IQCJ: variants seen among roughly 807,000 people sequenced by gnomAD.
IQCJ encodes the protein IQ motif containing J.
A neutral mutation model predicts 11.0 loss-of-function variants in IQCJ; 9 were observed. The ratio of observed to expected loss-of-function variants is 0.82; its 90% CI spans 0.49 to 1.43. The LOEUF (loss-of-function observed/expected upper bound fraction) is 1.43. IQCJ is among the 40% of genes most tolerant of loss of function. The pLI, the probability that IQCJ is intolerant of heterozygous loss-of-function variation, is 0.00. For synonymous variants in IQCJ, 55 were observed against 51.3 expected (o/e 1.07, Z -0.31); for missense variants, 146 against 133.2 (o/e 1.10, Z -0.47).
intron 3 of IQCJ, among the ~76,000 whole-genome samples, chr3:159,253,660 G>A (rs1032870959): frequency 1.7e-4 from 26 of 150,978 alleles, no homozygotes; most frequent in African/African-American, 6.1e-4. Flanking sequence ...ATAACACTCC[G>A]AGAAGCATGA....
chr3:159,090,283 G>A lies in IQCJ; in HGVS notation c.9+20842G>A, dbSNP rs534078612. On this transcript the variant is annotated intron_variant, in intron 1 of 3. Transcript: ENST00000397832. ...ACCCACTTAAGGAGGCAGTCTGCCC[G>A]TTCTCAGATCTCCAGCTGCGTGCTG... 2.0e-4 allele frequency among the ~76,000 whole-genome samples: 30 copies of A among 151,888 alleles called. 1 individual carries two copies. Among genetic ancestry groups the A allele is most frequent in the African/African-American group, 5.6e-4 (23 of 41,186 alleles).
chr3:159,073,419 A>G (rs952817404), intron 1 of IQCJ, among the ~76,000 whole-genome samples: 6 of 152,072 alleles, frequency 3.9e-5, no homozygotes, highest in African/African-American at 1.4e-4. Context: ...CCTAGGGTGA[A>G]GAATTTAAGG....
chr3:159,260,043 C>A (rs1412651945), intron 3 of IQCJ, among the ~76,000 whole-genome samples: 1 of 152,222 alleles, frequency 6.6e-6, no homozygotes, highest in East Asian at 1.9e-4. Context: ...AATATTGTCA[C>A]CTTATAAATT....
chr3:159,243,735 G>A (rs1373116130), intron 1 of IQCJ, among the ~76,000 whole-genome samples: 1 of 152,150 alleles, frequency 6.6e-6, no homozygotes, highest in Non-Finnish European at 1.5e-5. Context: ...CTTATAAGGT[G>A]CATTTCATAC....
At chr3:159,087,639 A>T (rs1716890229) in intron 1 of IQCJ, among the ~76,000 whole-genome samples, 1 of 143,062 alleles carries the variant, frequency 7.0e-6, no homozygotes, top group South Asian at 2.3e-4. Flanking sequence ...TTCCTGGTTT[A>T]GTCTTGGGAG....
intron 1 of IQCJ, among the ~76,000 whole-genome samples, chr3:159,204,142 C>T (rs1724514368): frequency 6.6e-6 from 1 of 152,200 alleles, no homozygotes. Flanking sequence ...TGCTGCATAA[C>T]AAACTTCCTA....
At chr3:159,080,454 A>T (rs976983624) in intron 1 of IQCJ, among the ~76,000 whole-genome samples, 1 of 152,124 alleles carries the variant, frequency 6.6e-6, no homozygotes, top group African/African-American at 2.4e-5. Context: ...AAACATGAAG[A>T]TTGGAACCTT....
intron 1 of IQCJ, among the ~76,000 whole-genome samples, chr3:159,119,978 A>G (rs1396528309): frequency 6.6e-6 from 1 of 152,238 alleles, no homozygotes; most frequent in African/African-American, 2.4e-5. Flanking sequence ...ATTATTTTTT[A>G]GAATTGTATA....
intron 3 of IQCJ, among the ~76,000 whole-genome samples, chr3:159,258,839 C>T (rs1290810724): frequency 6.6e-6 from 1 of 152,102 alleles, no homozygotes; most frequent in East Asian, 1.9e-4. Flanking sequence ...GCACAGTCTG[C>T]CCCCAGCCTG....
Position 159,091,674 on chromosome 3 carries a change from G to A in IQCJ, c.9+22233G>A, listed in dbSNP as rs761243810. 8.6e-4 allele frequency among the ~76,000 whole-genome samples: 70 copies of A among 81,304 alleles called. 1 individual carries two copies. The highest frequency in any genetic ancestry group is 4.6e-3 in the African/African-American group (55 of 12,080). The allele number at this position is 81,304 out of a possible 152,430, so 53.3% of individuals were successfully genotyped here. On this transcript the variant is annotated intron_variant, in intron 1 of 3. Transcript: ENST00000397832. ...CACACACACACACACACACACGCAT[G>A]CACACACACACACACACACACACAC... is the stretch of plus-strand genomic sequence containing the variant.
intron 1 of IQCJ, among the ~76,000 whole-genome samples, chr3:159,081,331 T>C (rs1230070335): frequency 6.6e-6 from 1 of 152,088 alleles, no homozygotes; most frequent in East Asian, 1.9e-4. Context: ...CATAGGCCCC[T>C]TCCTAAACCA....
rs1728332664 is a variant in IQCJ, at chr3:159,263,474, A to C, written c.*743A>C. 4.1e-6 allele frequency: 4 copies of C among 984,276 alleles called. No homozygotes were observed. In the South Asian group the frequency reaches 1.9e-4, roughly 46 times the overall value. The allele number at this position is 984,276 out of a possible 1,614,324, so 61.0% of individuals were successfully genotyped here. A position where few individuals can be genotyped will look rare whatever the true frequency, so the allele number is the denominator to read the frequency against. On this transcript the variant is annotated 3_prime_UTR_variant, in exon 4 of 4. Coordinates refer to ENST00000397832, the MANE Select transcript of IQCJ (RefSeq NM_001042706.3). Reference sequence around the variant, plus strand: ...TTAAAAAACACCAAAAGTGGGAAGAAATCAGTGATGAGGGATTTATGAACC... The same window carrying C: ...TTAAAAAACACCAAAAGTGGGAAGACATCAGTGATGAGGGATTTATGAACC...
chr3:159,230,130 AGAACAT>A (rs1018068280), intron 1 of IQCJ, among the ~76,000 whole-genome samples: 13 of 151,890 alleles, frequency 8.6e-5, no homozygotes, highest in African/African-American at 3.1e-4. Flanking sequence ...CTTACAAGTG[AGAACAT>A]GTAGTGTTTG....
chr3:159,146,741 T>C (rs188634796), intron 1 of IQCJ, among the ~76,000 whole-genome samples: 8 of 152,340 alleles, frequency 5.3e-5, no homozygotes, highest in Admixed American at 4.6e-4. Context: ...TTTTCAAATA[T>C]GTAAATAAAA....
At chr3:159,255,195 A>G (rs997166704) in intron 3 of IQCJ, among the ~76,000 whole-genome samples, 2 of 152,144 alleles carry the variant, frequency 1.3e-5, no homozygotes, top group African/African-American at 2.4e-5. Flanking sequence ...CTGAGAGTCT[A>G]TCTTCTCCTG....
intron 1 of IQCJ, among the ~76,000 whole-genome samples, chr3:159,155,084 G>T (rs116367658): frequency 0.021 from 3,151 of 152,174 alleles, 118 homozygotes; most frequent in African/African-American, 0.073. Flanking sequence ...CTGAACACGG[G>T]CTCCCCTTTC....
rs530852237 is a variant in IQCJ at position 159,240,031 on chromosome 3, A to G, written c.10-5812A>G. On this transcript the variant is annotated intron_variant, in intron 1 of 3. Transcript: ENST00000397832. The stretch of plus-strand genomic sequence containing the variant: ...CAACACGAGACAATATATGACCTAG[A>G]TCTGTTACTTATGTCATTGGAGGTG... 2.0e-5 allele frequency among the ~76,000 whole-genome samples: 3 copies of G among 152,254 alleles called. No homozygotes were observed. The East Asian group carries it at 5.8e-4, about 29-fold the overall frequency.
At chr3:159,108,438 C>T (rs1205702110) in intron 1 of IQCJ, among the ~76,000 whole-genome samples, 1 of 152,116 alleles carries the variant, frequency 6.6e-6, no homozygotes, top group Admixed American at 6.6e-5. Flanking sequence ...AGTGTTTTGT[C>T]ATCTTAGGTA....
At chr3:159,226,246 A>C (rs184487318) in intron 1 of IQCJ, among the ~76,000 whole-genome samples, 15 of 152,096 alleles carry the variant, frequency 9.9e-5, no homozygotes, top group Non-Finnish European at 2.1e-4. Flanking sequence ...GAAAGTTTTA[A>C]TCCTCTATTC....
Sources: allele counts gnomAD v4.1 joint callset (sites outside exome capture counted in the v4.1 genomes callset), GRCh38; gene constraint gnomAD v4.1.1; transcripts MANE v1.5; gene names NCBI Gene and HGNC (gene_info 2026-07-23, HGNC 2026-07-21).